PRKAG2: variants seen among roughly 807,000 people sequenced by gnomAD.
PRKAG2 encodes 5'-AMP-activated protein kinase subunit gamma-2.
PRKAG2 carries 26 observed loss-of-function variants against 69.6 expected under a neutral mutation model. The ratio of observed to expected loss-of-function variants is 0.37; its 90% CI spans 0.27 to 0.52. The LOEUF (loss-of-function observed/expected upper bound fraction) is 0.52. PRKAG2 is among the 20% of genes least tolerant of loss of function. The pLI is 0.90. For missense variants in PRKAG2, 557 were observed against 740.0 expected (o/e 0.75, Z 2.87); for synonymous variants, 293 against 285.0 (o/e 1.03, Z -0.28).
rs1563166850 is a variant in PRKAG2 at position 151,574,966 on chromosome 7, CAT to C, written c.947-19_947-18del. 6 of 1,612,200 alleles carry C rather than the reference CAT, an allele frequency of 3.7e-6. No individual in the cohort carries two copies. In the Admixed American group the frequency reaches 5.0e-5, roughly 13 times the overall value. ...TTAGCATTCCTGGAACAAAGAATTACATGTTACAAATAAAACCATGAAAACAT... is the reference window on the plus strand; with the variant it reads ...TTAGCATTCCTGGAACAAAGAATTACGTTACAAATAAAACCATGAAAACAT... On this transcript the variant is annotated intron_variant, in intron 7 of 15. Transcript: ENST00000287878.
At chr7:151,558,002 C>T in intron 15 of PRKAG2, 2 of 985,000 alleles carry the variant, frequency 2.0e-6, no homozygotes, top group Non-Finnish European at 2.4e-6. Flanking sequence ...CTATTTTTCT[C>T]ATCACAGGAG....
intron 6 of PRKAG2, among the ~76,000 whole-genome samples, chr7:151,585,761 G>C (rs1811497172): frequency 6.6e-6 from 1 of 152,134 alleles, no homozygotes; most frequent in Admixed American, 6.5e-5. Context: ...AAGAGCGTGG[G>C]GCACAAGAAT....
At chr7:151,679,970 T>C (rs568622129) in intron 3 of PRKAG2, among the ~76,000 whole-genome samples, 3 of 151,986 alleles carry the variant, frequency 2.0e-5, no homozygotes, top group South Asian at 2.1e-4. Flanking sequence ...CGAGATTGCT[T>C]GAGCCCAGGA....
At chr7:151,681,129 C>T (rs573705252) in intron 3 of PRKAG2, among the ~76,000 whole-genome samples, 5 of 152,312 alleles carry the variant, frequency 3.3e-5, no homozygotes, top group Admixed American at 1.3e-4. Context: ...AGGCCACCCC[C>T]GTGTGAGTAC....
At chr7:151,874,055 TATGTATATGTATATG>T (rs2080289931) in intron 1 of PRKAG2, among the ~76,000 whole-genome samples, 1 of 140,078 alleles carries the variant, frequency 7.1e-6, no homozygotes, top group African/African-American at 2.6e-5. Flanking sequence ...TATGTATGTA[TATGTATATGTATATG>T]ATGTATATGT....
rs75798679 is a variant in PRKAG2, at chr7:151,807,265, C to T, written c.115-20724G>A. On this transcript the variant is annotated intron_variant, in intron 1 of 15. Transcript: ENST00000287878. The surrounding 1 kb of genome is among the most constrained non-coding windows in gnomAD (Gnocchi z 4.4). ...AGCTGACCAAAAAGTGGCCAGTCAGCCACCAGCAGACCCATGGGATAGGGG... is the reference window on the plus strand; with the variant it reads ...AGCTGACCAAAAAGTGGCCAGTCAGTCACCAGCAGACCCATGGGATAGGGG... 6,128 of 379,232 alleles carry T rather than the reference C, an allele frequency of 0.016. 84 individuals are homozygous for T. Among genetic ancestry groups the T allele is most frequent in the Non-Finnish European group, 0.023 (4,325 of 189,122 alleles). 23.5% of individuals were successfully genotyped at this position (379,232 alleles called of 1,614,324 possible). A position where few individuals can be genotyped will look rare whatever the true frequency, so the allele number is the denominator to read the frequency against.
intron 11 of PRKAG2, chr7:151,566,474 T>C (rs1459186647): frequency 2.8e-6 from 1 of 350,922 alleles, no homozygotes; most frequent in Non-Finnish European, 5.7e-6. Context: ...AATTAACTTT[T>C]CATGGGCTGT....
chr7:151,736,009 C>T, intron 3 of PRKAG2: 1 of 1,536,178 alleles, frequency 6.5e-7, no homozygotes, highest in Non-Finnish European at 8.7e-7. Flanking sequence ...GCTGTGGCCA[C>T]AGGAGTGGCG....
At chr7:151,729,368 C>A (rs1488290950) in intron 3 of PRKAG2, among the ~76,000 whole-genome samples, 2 of 149,502 alleles carry the variant, frequency 1.3e-5, no homozygotes, top group African/African-American at 2.5e-5. Flanking sequence ...CAATGGGCAC[C>A]AGGGCTGGAC....
At chr7:151,687,834 AGCACACGGTC>A (rs1165716121) in intron 3 of PRKAG2, among the ~76,000 whole-genome samples, 1 of 152,244 alleles carries the variant, frequency 6.6e-6, no homozygotes. Context: ...GACAGGAAAA[AGCACACGGTC>A]GCACCAGGCG....
rs980311103 is a variant in PRKAG2, at chr7:151,813,244, A to G, written c.115-26703T>C. On this transcript the variant is annotated intron_variant, in intron 1 of 15. Coordinates refer to ENST00000287878, the MANE Select transcript of PRKAG2 (RefSeq NM_016203.4). ...TGGTTGTATCCCTAGGCCTCTCCCC[A>G]TCTTCCAACACCTACAATCCGTAAC... Among the ~76,000 whole-genome samples the G allele has an allele frequency of 3.9e-5, 6 of 152,238 alleles. 1 individual carries two copies. Among genetic ancestry groups the G allele is most frequent in the South Asian group, 2.1e-4 (1 of 4,814 alleles).
intron 4 of PRKAG2, among the ~76,000 whole-genome samples, chr7:151,644,337 T>G (rs1161484248): frequency 6.6e-6 from 1 of 152,172 alleles, no homozygotes; most frequent in Non-Finnish European, 1.5e-5. Flanking sequence ...TTGCTCATGC[T>G]CCTTTGTGGT....
At chr7:151,692,565 C>CA (rs1269271255) in intron 3 of PRKAG2, among the ~76,000 whole-genome samples, 1 of 141,314 alleles carries the variant, frequency 7.1e-6, no homozygotes, top group Non-Finnish European at 1.5e-5. Context: ...CAGAATAGCA[C>CA]ATTTTTTTTT....
rs113808723 is a variant in PRKAG2, at chr7:151,724,239, C to T, written c.467-48602G>A. On this transcript the variant is annotated intron_variant, in intron 3 of 15. Transcript: ENST00000287878. Reference sequence around the variant, plus strand: ...ATAACAACACACTGGATTTGTCTGTCTTGTTCTTTGGTTTCTGGGCTCTTT... The same window carrying T: ...ATAACAACACACTGGATTTGTCTGTTTTGTTCTTTGGTTTCTGGGCTCTTT... 3.2e-3 allele frequency among the ~76,000 whole-genome samples: 486 copies of T among 152,272 alleles called. 7 individuals are homozygous for T. The highest frequency in any genetic ancestry group is 0.011 in the African/African-American group (456 of 41,554).
intron 5 of PRKAG2, among the ~76,000 whole-genome samples, chr7:151,629,797 G>A (rs368030956): frequency 6.6e-6 from 1 of 152,082 alleles, no homozygotes; most frequent in Non-Finnish European, 1.5e-5. Context: ...ACGTTAACAG[G>A]GTATGCTGGA....
At chr7:151,713,841 G>A (rs1795710015) in intron 3 of PRKAG2, among the ~76,000 whole-genome samples, 1 of 152,110 alleles carries the variant, frequency 6.6e-6, no homozygotes. Flanking sequence ...CTCCCAAAGT[G>A]CCAGGATTAC....
chr7:151,581,979 T>C (rs986056957), intron 6 of PRKAG2, among the ~76,000 whole-genome samples: 6 of 152,168 alleles, frequency 3.9e-5, no homozygotes, highest in African/African-American at 7.2e-5. Context: ...GGCAAATACA[T>C]GTATGGGAAA....
intron 3 of PRKAG2, among the ~76,000 whole-genome samples, chr7:151,691,376 A>T (rs184445858): frequency 1.9e-4 from 29 of 152,214 alleles, no homozygotes; most frequent in Admixed American, 1.8e-3. Flanking sequence ...AAACCTGCAG[A>T]TATGGAGGGC....
In PRKAG2 at chr7:151,691,395, T is replaced by C. The variant is rs147950668; in HGVS notation, c.467-15758A>G. Among the ~76,000 whole-genome samples, 431 of 151,800 alleles carry C rather than the reference T, an allele frequency of 2.8e-3. 3 individuals are homozygous for C. Among genetic ancestry groups the C allele is most frequent in the African/African-American group, 0.01 (415 of 41,350 alleles). On this transcript the variant is annotated intron_variant, in intron 3 of 15. Transcript: ENST00000287878. ...CTGCAGATATGGAGGGCTGACCGTA[T>C]TGCAAAACACATATATGATAAAGGA...
Sources: allele counts gnomAD v4.1 joint callset (sites outside exome capture counted in the v4.1 genomes callset), GRCh38; gene constraint gnomAD v4.1.1; non-coding constraint Gnocchi (gnomAD v3.1); transcripts MANE v1.5; gene names NCBI Gene and HGNC (gene_info 2026-07-23, HGNC 2026-07-21).